The following DNER variants were observed in gnomAD, a reference collection of about 807,000 sequenced individuals.
The protein encoded by DNER is delta/notch like EGF repeat containing, also known as delta and Notch-like epidermal growth factor-related receptor.
Under a neutral mutation model 78.2 loss-of-function variants are expected in DNER, and 33 were observed. The observed-to-expected ratio is 0.42, with a 90% CI of 0.32 to 0.56. The LOEUF (loss-of-function observed/expected upper bound fraction) is 0.56. Ranked by LOEUF, DNER falls within the 20% of genes least tolerant of loss-of-function variation. The pLI is 0.11. For missense variants in DNER, 918 were observed against 975.3 expected (o/e 0.94, Z 0.78); for synonymous variants, 417 against 384.8 (o/e 1.08, Z -0.98).
At chr2:229,641,987 A>T (rs780848629) in intron 1 of DNER, among the ~76,000 whole-genome samples, 25 of 152,204 alleles carry the variant, frequency 1.6e-4, no homozygotes, top group Non-Finnish European at 3.2e-4. Flanking sequence ...AGAGAAAGTA[A>T]TCAGAGAAGG....
chr2:229,371,645 C>T (rs1179277759), intron 11 of DNER, among the ~76,000 whole-genome samples: 1 of 152,202 alleles, frequency 6.6e-6, no homozygotes, highest in Non-Finnish European at 1.5e-5. Context: ...GGCAGACAGT[C>T]AGTGGCCAAG....
intron 3 of DNER, among the ~76,000 whole-genome samples, chr2:229,587,545 C>T (rs1697525785): frequency 6.6e-6 from 1 of 152,210 alleles, no homozygotes; most frequent in Non-Finnish European, 1.5e-5. Flanking sequence ...CTACAGTGCC[C>T]GCAGGCCCCT....
At chr2:229,418,349 G>A in intron 8 of DNER, 119 bp from the exon 9 acceptor site, 1 of 1,350,848 alleles carries the variant, frequency 7.4e-7, no homozygotes, top group Non-Finnish European at 1.0e-6. Flanking sequence ...AAACAGATGG[G>A]ATTTCAGGAG....
intron 7 of DNER, among the ~76,000 whole-genome samples, chr2:229,457,497 C>G (rs2193900): frequency 0.74 from 111,665 of 151,642 alleles, 41,503 homozygotes; most frequent in South Asian, 0.83. Flanking sequence ...CCCAGAGCAG[C>G]CACTAAAACT....
At chr2:229,460,407 C>A (rs6733371) in intron 7 of DNER, among the ~76,000 whole-genome samples, 1 of 151,134 alleles carries the variant, frequency 6.6e-6, no homozygotes, top group South Asian at 2.1e-4. Context: ...TTAAAAACTA[C>A]CAGCATACAA....
At chr2:229,658,995 A>G (rs748568956) in intron 1 of DNER, among the ~76,000 whole-genome samples, 1 of 152,172 alleles carries the variant, frequency 6.6e-6, no homozygotes, top group Non-Finnish European at 1.5e-5. Context: ...ACGTCTCTAC[A>G]TCTGCATTTT....
intron 4 of DNER, among the ~76,000 whole-genome samples, chr2:229,561,552 CA>C (rs955510606): frequency 3.0e-4 from 46 of 151,298 alleles, no homozygotes; most frequent in African/African-American, 9.4e-4. Context: ...AAAGAGTGAA[CA>C]AAAAAAAATT....
chr2:229,610,567 G>GGAA (rs1359143251), intron 1 of DNER, among the ~76,000 whole-genome samples: 1 of 152,176 alleles, frequency 6.6e-6, no homozygotes, highest in African/African-American at 2.4e-5. Context: ...ACAGTGTACT[G>GGAA]GAAGATCAGT....
chr2:229,476,122 G>C (rs1456789973), intron 7 of DNER, among the ~76,000 whole-genome samples: 1 of 152,184 alleles, frequency 6.6e-6, no homozygotes, highest in Admixed American at 6.5e-5. Flanking sequence ...GAGAGAGAGA[G>C]GGATGGCTGG....
At chr2:229,628,083 A>G (rs1338218077) in intron 1 of DNER, among the ~76,000 whole-genome samples, 1 of 152,218 alleles carries the variant, frequency 6.6e-6, no homozygotes, top group Non-Finnish European at 1.5e-5. Flanking sequence ...CGCCTGGTCC[A>G]GTAGCTACTA....
At chr2:229,362,530 C>G (rs1453219072) in intron 12 of DNER, among the ~76,000 whole-genome samples, 2 of 152,212 alleles carry the variant, frequency 1.3e-5, no homozygotes. Context: ...ATCTCACTTA[C>G]AAGTCCTGGT....
At chr2:229,553,871 C>T (rs1435904110) in intron 4 of DNER, among the ~76,000 whole-genome samples, 1 of 152,166 alleles carries the variant, frequency 6.6e-6, no homozygotes, top group African/African-American at 2.4e-5. Context: ...CCTGATTCTC[C>T]TTGGGACAGA....
chr2:229,540,641 G>A (rs1320863620), intron 5 of DNER, among the ~76,000 whole-genome samples: 1 of 152,202 alleles, frequency 6.6e-6, no homozygotes, highest in Non-Finnish European at 1.5e-5. Flanking sequence ...AAAGAACTCA[G>A]TTGTAGGTAG....
At chr2:229,557,109 A>G (rs1279744500) in intron 4 of DNER, among the ~76,000 whole-genome samples, 1 of 152,182 alleles carries the variant, frequency 6.6e-6, no homozygotes, top group African/African-American at 2.4e-5. Flanking sequence ...GCCCCTTACA[A>G]AGGGGCAGCA....
chr2:229,649,161 C>T (rs1046732664), intron 1 of DNER, among the ~76,000 whole-genome samples: 3 of 152,228 alleles, frequency 2.0e-5, no homozygotes, highest in African/African-American at 7.2e-5. Context: ...GTACTCTCGG[C>T]TCTTCTAATT....
chr2:229,655,003 T>G (rs1160515631), intron 1 of DNER, among the ~76,000 whole-genome samples: 3 of 152,132 alleles, frequency 2.0e-5, no homozygotes, highest in African/African-American at 7.2e-5. Flanking sequence ...TTAAAACATC[T>G]TTCAGATGTT....
chr2:229,631,546 A>G (rs945473928), intron 1 of DNER, among the ~76,000 whole-genome samples: 2 of 152,206 alleles, frequency 1.3e-5, no homozygotes, highest in Non-Finnish European at 2.9e-5. Context: ...AAGACTTCTT[A>G]CTTTATGTAC....
intron 11 of DNER, among the ~76,000 whole-genome samples, chr2:229,386,894 C>T (rs1461567923): frequency 6.6e-6 from 1 of 152,116 alleles, no homozygotes; most frequent in Non-Finnish European, 1.5e-5. Flanking sequence ...TAAATTTGTT[C>T]AACCATTGTG....
chr2:229,414,005 A>C (rs1693588677), intron 9 of DNER, among the ~76,000 whole-genome samples: 1 of 151,976 alleles, frequency 6.6e-6, no homozygotes, highest in African/African-American at 2.4e-5. Flanking sequence ...AAATATTTCC[A>C]AAAGGGGGAA....
Sources: gnomAD v4.1 joint callset for allele counts (sites outside exome capture counted in the v4.1 genomes callset) on GRCh38, gnomAD v4.1.1 for gene constraint, MANE v1.5 for transcripts, NCBI Gene and HGNC (gene_info 2026-07-23, HGNC 2026-07-21) for gene names.